Variants in ZNF454 observed in about 807,000 individuals in gnomAD.
ZNF454 encodes the protein zinc finger protein 454.
ZNF454 carries 30 observed loss-of-function variants against 48.2 expected under a neutral mutation model. The observed-to-expected ratio is 0.62, with a 90% CI of 0.47 to 0.84. The LOEUF is 0.84. ZNF454 is among the 40% of genes least tolerant of loss of function. The pLI, the probability that ZNF454 is intolerant of heterozygous loss-of-function variation, is 0.00. For synonymous variants in ZNF454, 204 were observed against 211.4 expected (o/e 0.97, Z 0.30); for missense variants, 510 against 623.1 (o/e 0.82, Z 1.93).
chr5:178,973,653 C>A, the ZNF454 span, among the ~76,000 whole-genome samples: 1 of 152,078 alleles, frequency 6.6e-6, no homozygotes, highest in Non-Finnish European at 1.5e-5. Flanking sequence ...ACCATCCTGG[C>A]TAACACGGTG....
At chr5:178,948,648 G>A (rs191115361) in intron 4 of ZNF454, among the ~76,000 whole-genome samples, 5 of 152,156 alleles carry the variant, frequency 3.3e-5, no homozygotes, top group African/African-American at 7.2e-5. Context: ...TCTGAGTTTC[G>A]TGGAGATGCC....
chr5:178,942,728 A>G lies in ZNF454; in HGVS notation c.-64A>G. 3.2e-6 allele frequency: 5 copies of G among 1,577,504 alleles called. No individual in the cohort carries two copies. Among genetic ancestry groups the G allele is most frequent in the Non-Finnish European group, 4.4e-6 (5 of 1,147,304 alleles). On this transcript the variant is annotated 5_prime_UTR_variant, in exon 2 of 5. Coordinates refer to ENST00000519564, the MANE Select transcript of ZNF454 (RefSeq NM_001178089.3). The stretch of plus-strand genomic sequence containing the variant: ...TAGCCTGAGGAGTCCTGCAGGTGTG[A>G]AGCTCCACACCTGCCTCCATAGCAC...
At chr5:178,959,428 C>G (rs1343536230) in intron 4 of ZNF454, among the ~76,000 whole-genome samples, 1 of 152,122 alleles carries the variant, frequency 6.6e-6, no homozygotes, top group Non-Finnish European at 1.5e-5. Flanking sequence ...TTATAATAAG[C>G]CTTACACTTG....
the ZNF454 span, chr5:178,989,745 A>G: frequency 5.0e-6 from 2 of 396,968 alleles, no homozygotes; most frequent in African/African-American, 2.1e-5. Context: ...CTTTCCTGTT[A>G]GGATGCTGCT....
At chr5:178,982,004 G>A in the ZNF454 span, 2 of 729,870 alleles carry the variant, frequency 2.7e-6, no homozygotes, top group African/African-American at 3.4e-5. Flanking sequence ...TATGAGCAGG[G>A]GCCCCGCGCC....
At chr5:178,978,285 A>T in the ZNF454 span, 1 of 152,396 alleles carries the variant, frequency 6.6e-6, no homozygotes, top group Non-Finnish European at 1.5e-5. Context: ...GTTTTATGAA[A>T]CAATATCTGT....
chr5:178,967,717 GTTT>G (rs10610959), downstream of ZNF454, among the ~76,000 whole-genome samples: 6 of 128,970 alleles, frequency 4.7e-5, no homozygotes, highest in South Asian at 2.5e-4. Context: ...CCTTTACCCT[GTTT>G]TTTTTTTTTC....
the ZNF454 span, chr5:178,986,216 C>T: frequency 6.2e-7 from 1 of 1,614,134 alleles, no homozygotes; most frequent in East Asian, 2.2e-5. Flanking sequence ...TTGCCCTGCT[C>T]AAAGATGCGG....
At chr5:178,975,792 T>G in the ZNF454 span, 1 of 358,254 alleles carries the variant, frequency 2.8e-6, no homozygotes, top group Non-Finnish European at 5.8e-6. Context: ...TGAAGGTGTG[T>G]TTTGTAGATG....
the ZNF454 span, among the ~76,000 whole-genome samples, chr5:178,974,474 A>G: frequency 6.6e-6 from 1 of 152,226 alleles, no homozygotes; most frequent in South Asian, 2.1e-4. Flanking sequence ...GCCCGCCACC[A>G]TGCCCGGCTA....
chr5:178,989,188 G>A, the ZNF454 span: 37 of 1,581,752 alleles, frequency 2.3e-5, no homozygotes, highest in African/African-American at 4.1e-5. Flanking sequence ...CACCGAACCC[G>A]GCCTCCCGCC....
the ZNF454 span, chr5:178,986,374 A>T: frequency 6.2e-7 from 1 of 1,614,052 alleles, no homozygotes; most frequent in Non-Finnish European, 8.5e-7. Context: ...GCCGGTGAGG[A>T]GGACGTAGCT....
At chr5:178,961,840 G>A (rs1760023090) in intron 4 of ZNF454, among the ~76,000 whole-genome samples, 1 of 150,656 alleles carries the variant, frequency 6.6e-6, no homozygotes, top group African/African-American at 2.4e-5. Flanking sequence ...AAAATTAACA[G>A]CATTTTCTTC....
At position 178,964,983 on chromosome 5, in the gene ZNF454, T is replaced by G. The variant is rs1561708432; in HGVS notation, c.579T>G (p.Leu193=). The G allele has an allele frequency of 6.2e-7, 1 of 1,614,134 alleles. No homozygotes were observed. Among genetic ancestry groups the G allele is most frequent in the Admixed American group, 1.7e-5 (1 of 60,006 alleles). ...AAGTCTTCTCTAAGAGTTCAACTCT[T>G]AATAAACATCAGAAAATTCATAATG... ...CGKVFSKSST[L]NKHQKIHNEK... Residue 193 remains leucine, a synonymous_variant, in exon 5 of 5, where the codon CTT becomes CTG. Coordinates refer to ENST00000519564, the MANE Select transcript of ZNF454 (RefSeq NM_001178089.3).
chr5:178,946,291 A>C lies in ZNF454; in HGVS notation c.34-68A>C, dbSNP rs537333656. ...TGCGCACAAGCTCCTAGGGGCTGCC[A>C]GTCTCTTTTCCAGAGAACCATGTGC... On this transcript the variant is annotated intron_variant, in intron 2 of 4. Transcript: ENST00000519564. This position sits in a 1 kb window ranked among gnomAD's most constrained non-coding sequence, Gnocchi z 4.5. 25 of 1,583,902 alleles carry C rather than the reference A, an allele frequency of 1.6e-5. No individual in the cohort carries two copies. The Admixed American group carries it at 2.2e-4, about 14-fold the overall frequency.
the ZNF454 span, among the ~76,000 whole-genome samples, chr5:178,973,937 G>A: frequency 0.53 from 80,615 of 151,830 alleles, 22,901 homozygotes; most frequent in South Asian, 0.71. Flanking sequence ...GTGTACATAG[G>A]CAGAGAATGA....
intron 1 of ZNF454, 100 bp from the exon 2 acceptor site, chr5:178,942,585 C>A: frequency 1.9e-6 from 1 of 524,958 alleles, no homozygotes; most frequent in Non-Finnish European, 3.4e-6. Flanking sequence ...AACCAAAACA[C>A]TCACTGCTTG....
At chr5:178,986,693 G>A in the ZNF454 span, 7 of 1,604,268 alleles carry the variant, frequency 4.4e-6, no homozygotes, top group African/African-American at 9.3e-5. Flanking sequence ...GGCCCGCAGG[G>A]CAGGCTGCAC....
At chr5:178,945,685 C>T (rs922017650) in intron 2 of ZNF454, among the ~76,000 whole-genome samples, 4 of 135,382 alleles carry the variant, frequency 3.0e-5, no homozygotes, top group African/African-American at 1.1e-4. Flanking sequence ...GTGTGTGTGT[C>T]TCTGTGTGTG....
Sources: allele counts gnomAD v4.1 joint callset (sites outside exome capture counted in the v4.1 genomes callset), GRCh38; gene constraint gnomAD v4.1.1; non-coding constraint Gnocchi (gnomAD v3.1); transcripts MANE v1.5; gene names NCBI Gene and HGNC (gene_info 2026-07-23, HGNC 2026-07-21).